Variants in GOSR2 observed in about 807,000 individuals in gnomAD.
GOSR2 encodes 27 kDa Golgi SNARE protein.
Under a neutral mutation model 27.9 loss-of-function variants are expected in GOSR2, and 20 were observed. That is an observed-to-expected ratio of 0.72 (90% CI 0.50 to 1.04). The LOEUF (loss-of-function observed/expected upper bound fraction) is 1.04. GOSR2 is among the 50% of genes least tolerant of loss of function. GOSR2 has a pLI of 0.00. For synonymous variants in GOSR2, 91 were observed against 98.8 expected (o/e 0.92, Z 0.47); for missense variants, 261 against 270.5 (o/e 0.97, Z 0.25).
At chr17:46,929,787 C>A in intron 2 of GOSR2, 1 of 560,694 alleles carries the variant, frequency 1.8e-6, no homozygotes, top group Non-Finnish European at 3.2e-6. Context: ...TCTTATCCCC[C>A]ATTACCCCTC....
chr17:46,957,216 G>A (rs9911366), intron 6 of GOSR2, among the ~76,000 whole-genome samples: 61,141 of 152,000 alleles, frequency 0.4, 12,527 homozygotes, highest in South Asian at 0.48. Context: ...GAGGTGGGAG[G>A]ACTGCTTGAG....
chr17:46,953,225 G>A (rs1261289120), intron 6 of GOSR2, among the ~76,000 whole-genome samples: 1 of 151,744 alleles, frequency 6.6e-6, no homozygotes, highest in Non-Finnish European at 1.5e-5. Context: ...AGTCTCCGGT[G>A]TGTGATGTTC....
intron 6 of GOSR2, among the ~76,000 whole-genome samples, chr17:46,951,506 G>C (rs1202049821): frequency 6.6e-6 from 1 of 152,190 alleles, no homozygotes; most frequent in Non-Finnish European, 1.5e-5. Flanking sequence ...CTCCTGGGAG[G>C]TGCCTTTTAA....
chr17:46,968,306 TCTC>T (rs1296122673), downstream of GOSR2, among the ~76,000 whole-genome samples: 1 of 152,086 alleles, frequency 6.6e-6, no homozygotes, highest in Admixed American at 6.5e-5. Flanking sequence ...CCCCTGAACA[TCTC>T]CTCCTGTTTC....
Position 46,965,629 on chromosome 17 carries a change from T to TTGTTCTTTGA in GOSR2, c.584-904_584-903insGTTCTTTGAT, listed in dbSNP as rs72414189. 8.4e-3 allele frequency among the ~76,000 whole-genome samples: 10 copies of TTGTTCTTTGA among 1,192 alleles called. No homozygotes were observed. In the Non-Finnish European group the frequency reaches 0.089, roughly 11 times the overall value. The allele number at this position is 1,192 out of a possible 152,430, so 0.8% of individuals were successfully genotyped here. ...TTTCCAGCAATGCTATGCCTTCTCTTTCTTTTTTTTCTGAGACACAGTTCA... is the reference window on the plus strand; with the variant it reads ...TTTCCAGCAATGCTATGCCTTCTCTTTGTTCTTTGATCTTTTTTTTCTGAGACACAGTTCA... On this transcript the variant is annotated intron_variant, in intron 6 of 6. Transcript: ENST00000573224.
intron 6 of GOSR2, among the ~76,000 whole-genome samples, chr17:46,961,675 G>T (rs2091057187): frequency 6.6e-6 from 1 of 152,076 alleles, no homozygotes; most frequent in African/African-American, 2.4e-5. Context: ...TTTAAAAAAG[G>T]TCCAGCTGTA....
chr17:46,954,473 GC>G (rs2090579390), intron 6 of GOSR2, among the ~76,000 whole-genome samples: 1 of 152,192 alleles, frequency 6.6e-6, no homozygotes, highest in Non-Finnish European at 1.5e-5. Context: ...GCAGTGTGAT[GC>G]CTCCAGCTTT....
intron 2 of GOSR2, chr17:46,929,840 T>C (rs1461816516): frequency 2.1e-6 from 1 of 486,434 alleles, no homozygotes; most frequent in Non-Finnish European, 3.8e-6. Context: ...AGCGCTTGCC[T>C]CCATCTATCT....
chr17:46,933,906 C>T (rs2087811806), intron 4 of GOSR2, among the ~76,000 whole-genome samples: 1 of 150,656 alleles, frequency 6.6e-6, no homozygotes, highest in Non-Finnish European at 1.5e-5. Context: ...GTCAAGGCTG[C>T]TCTCTATCCT....
rs2089105289 is a variant in GOSR2 at position 46,940,443 on chromosome 17, A to G, written c.*1683A>G. 6.2e-7 allele frequency: 1 copy of G among 1,605,744 alleles called. No individual in the cohort carries two copies. The highest frequency in any genetic ancestry group is 1.7e-5 in the Admixed American group (1 of 59,990). The stretch of plus-strand genomic sequence containing the variant: ...TGTCTAACTCTGGGGAGGCACATTG[A>G]CATTTCCATTACACACAGCACTGCT... On this transcript the variant is annotated 3_prime_UTR_variant, in exon 6 of 6. Coordinates refer to ENST00000640051, the MANE Select transcript of GOSR2 (RefSeq NM_004287.5).
rs368403656 is a variant in GOSR2, at chr17:46,953,496, C to T, written c.584-13038C>T. 3.3e-5 allele frequency among the ~76,000 whole-genome samples: 5 copies of T among 151,946 alleles called. No individual in the cohort carries two copies. In the East Asian group the frequency reaches 5.8e-4, roughly 18 times the overall value. On this transcript the variant is annotated intron_variant, in intron 6 of 6. Transcript: ENST00000573224. The stretch of plus-strand genomic sequence containing the variant: ...AGGTCTTTGCTATTGTGAATAGTGC[C>T]GCAATAAACATACGTGTGCATGTGT...
At chr17:46,960,625 A>C (rs558404537) in intron 6 of GOSR2, among the ~76,000 whole-genome samples, 2 of 152,374 alleles carry the variant, frequency 1.3e-5, no homozygotes, top group Non-Finnish European at 2.9e-5. Flanking sequence ...AGACAGATAA[A>C]AATTTAAATT....
At chr17:46,964,732 T>C (rs2091237499) in intron 6 of GOSR2, 1 of 152,250 alleles carries the variant, frequency 6.6e-6, no homozygotes. Flanking sequence ...CTCACACCTC[T>C]TCAAGGCCCT....
At chr17:46,938,459 C>T (rs1477940458) in intron 5 of GOSR2, 140 bp from the exon 6 acceptor site, 1 of 1,318,024 alleles carries the variant, frequency 7.6e-7, no homozygotes, top group Non-Finnish European at 1.1e-6. Context: ...GGCTCTATTT[C>T]TGGCTGATAT....
At chr17:46,935,306 G>A in intron 5 of GOSR2, 137 bp downstream of exon 5, 1 of 1,544,018 alleles carries the variant, frequency 6.5e-7, no homozygotes. Context: ...CTTGAGTTTG[G>A]GATCCTTTCT....
chr17:46,968,197 G>A (rs906480362), downstream of GOSR2, among the ~76,000 whole-genome samples: 4 of 152,160 alleles, frequency 2.6e-5, no homozygotes, highest in Non-Finnish European at 5.9e-5. Flanking sequence ...GAATACCTCT[G>A]AGTAAGGAAC....
rs1050270622 is a variant in GOSR2, at chr17:46,938,510, T to C, written c.478-89T>C. On this transcript the variant is annotated intron_variant, in intron 5 of 5. Transcript: ENST00000640051. ...CTGGGCATGACCAAGAGAATGTCTG[T>C]TGGCAAAGCTCCATCTCCTGATGCC... 27 of 1,600,212 alleles carry C rather than the reference T, an allele frequency of 1.7e-5. No individual in the cohort carries two copies. In the African/African-American group the frequency reaches 3.1e-4, roughly 18 times the overall value.
At chr17:46,929,855 C>CCTG in intron 2 of GOSR2, 1 of 424,630 alleles carries the variant, frequency 2.4e-6, no homozygotes, top group Non-Finnish European at 4.4e-6. Context: ...CTATCTTAAT[C>CCTG]TAATTACCTA....
At chr17:46,935,007 A>G (rs752828696) in intron 4 of GOSR2, 22 bp from the exon 5 acceptor site, 18 of 1,609,722 alleles carry the variant, frequency 1.1e-5, no homozygotes, top group Non-Finnish European at 8.5e-7. Context: ...AAGTTAATCA[A>G]GTGCCTGTGT....
Sources: allele counts gnomAD v4.1 joint callset (sites outside exome capture counted in the v4.1 genomes callset), GRCh38; gene constraint gnomAD v4.1.1; transcripts MANE v1.5; gene names NCBI Gene and HGNC (gene_info 2026-07-23, HGNC 2026-07-21).